The following KAZN variants were observed in gnomAD, a reference collection of about 807,000 sequenced individuals.
KAZN encodes the protein kazrin, periplakin interacting protein, also known as kazrin.
KAZN carries 40 observed loss-of-function variants against 87.4 expected under a neutral mutation model. That is an observed-to-expected ratio of 0.46 (90% CI 0.36 to 0.60). The LOEUF (loss-of-function observed/expected upper bound fraction) is 0.60, where lower values mean the gene tolerates loss of function less well. Among genes scored for constraint, KAZN ranks in the 20% least tolerant of loss-of-function variants. KAZN has a pLI of 0.00. For missense variants in KAZN, 898 were observed against 1,073.9 expected, an observed-to-expected ratio of 0.84 and a Z score of 2.29; for synonymous variants, 466 against 458.3, an observed-to-expected ratio of 1.02 and a Z score of -0.22.
chr1:14,929,679 C>A, intron 1 of KAZN: 1 of 751,684 alleles, frequency 1.3e-6, no homozygotes, highest in Non-Finnish European at 1.6e-6. Flanking sequence ...TCACTAAGGG[C>A]TGTAAACACT....
At chr1:14,068,240 T>C (rs1356579851) in intron 1 of KAZN, among the ~76,000 whole-genome samples, 1 of 152,164 alleles carries the variant, frequency 6.6e-6, no homozygotes, top group Non-Finnish European at 1.5e-5. Flanking sequence ...GAGACAAGGG[T>C]GTCCCTATCT....
intron 2 of KAZN, among the ~76,000 whole-genome samples, chr1:14,248,812 T>G (rs892682389): frequency 3.3e-5 from 5 of 152,194 alleles, no homozygotes; most frequent in Non-Finnish European, 7.3e-5. Context: ...ACTGATGCTA[T>G]GTGAGACTAG....
chr1:14,983,684 G>A (rs888214555), intron 2 of KAZN, among the ~76,000 whole-genome samples: 2 of 152,208 alleles, frequency 1.3e-5, no homozygotes, highest in Admixed American at 1.3e-4. Context: ...GCTCATACCT[G>A]TAATCCCAGC....
intron 2 of KAZN, among the ~76,000 whole-genome samples, chr1:14,185,425 C>A (rs551486426): frequency 6.6e-6 from 1 of 152,326 alleles, no homozygotes; most frequent in African/African-American, 2.4e-5. Context: ...TAAAAAGCTA[C>A]AATGATAAGC....
chr1:14,722,410 A>C (rs900787126), intron 1 of KAZN, among the ~76,000 whole-genome samples: 1 of 152,248 alleles, frequency 6.6e-6, no homozygotes, highest in Non-Finnish European at 1.5e-5. Flanking sequence ...TCTAATTAAC[A>C]TAAAAAATTC....
intron 1 of KAZN, among the ~76,000 whole-genome samples, chr1:14,804,341 T>A (rs146669989): frequency 0.013 from 1,930 of 152,280 alleles, 18 homozygotes; most frequent in Middle Eastern, 0.027. Flanking sequence ...GCAGCCAGGA[T>A]GCCAGGAAGC....
intron 1 of KAZN, among the ~76,000 whole-genome samples, chr1:14,044,019 C>A (rs1641951999): frequency 1.3e-5 from 2 of 152,148 alleles, no homozygotes; most frequent in Non-Finnish European, 2.9e-5. Context: ...CAGATGGTGG[C>A]TAGGTCTAAA....
intron 1 of KAZN, among the ~76,000 whole-genome samples, chr1:14,635,086 G>T (rs1186225771): frequency 2.0e-5 from 3 of 152,214 alleles, no homozygotes; most frequent in Non-Finnish European, 4.4e-5. Context: ...GCATCAGGGG[G>T]TTAGGTTGAA....
rs561931717 is a variant in KAZN, at chr1:14,769,121, G to A, written c.226+169898G>A. Reference sequence around the variant, plus strand: ...GAGCTCCCTTTGCTGTCCATTCACAGTGGTTGGAGCCAAGCCCATCAAGGC... The same window carrying A: ...GAGCTCCCTTTGCTGTCCATTCACAATGGTTGGAGCCAAGCCCATCAAGGC... On this transcript the variant is annotated intron_variant, in intron 1 of 14. Coordinates refer to ENST00000376030, the MANE Select transcript of KAZN (RefSeq NM_201628.3). The surrounding 1 kb of genome is among the most constrained non-coding windows in gnomAD (Gnocchi z 4.1). Among the ~76,000 whole-genome samples, 38 of 152,322 alleles carry A rather than the reference G, an allele frequency of 2.5e-4. No homozygotes were observed. In the South Asian group the frequency reaches 7.3e-3, roughly 29 times the overall value.
exon 2 of KAZN, chr1:14,180,565 G>C: frequency 6.5e-7 from 1 of 1,550,184 alleles, no homozygotes; most frequent in Non-Finnish European, 8.7e-7. Flanking sequence ...CCATGATATT[G>C]ATGAGGCACC....
intron 1 of KAZN, among the ~76,000 whole-genome samples, chr1:14,804,370 C>G (rs529222230): frequency 6.6e-6 from 1 of 152,278 alleles, no homozygotes; most frequent in South Asian, 2.1e-4. Context: ...CATGGATGGG[C>G]TGGGTGGGGC....
intron 2 of KAZN, among the ~76,000 whole-genome samples, chr1:14,196,454 A>T (rs193228269): frequency 2.0e-5 from 3 of 152,254 alleles, no homozygotes; most frequent in East Asian, 3.9e-4. Context: ...AACTTCTGGA[A>T]TTCCTTTTAG....
intron 1 of KAZN, among the ~76,000 whole-genome samples, chr1:14,012,584 G>A (rs1323820128): frequency 2.0e-5 from 3 of 152,148 alleles, no homozygotes; most frequent in African/African-American, 7.2e-5. Flanking sequence ...GGAGGGTGAC[G>A]CGGGTGGATC....
At chr1:14,976,002 AGCCTGGGCGACT>A (rs1357746272) in intron 2 of KAZN, among the ~76,000 whole-genome samples, 1 of 141,342 alleles carries the variant, frequency 7.1e-6, no homozygotes, top group Non-Finnish European at 1.5e-5. Context: ...ACTGCACTCC[AGCCTGGGCGACT>A]GAGCGAGACT....
At chr1:14,957,037 A>G in intron 1 of KAZN, among the ~76,000 whole-genome samples, 1 of 151,974 alleles carries the variant, frequency 6.6e-6, no homozygotes, top group Middle Eastern at 3.2e-3. Context: ...GAGTGCTCTG[A>G]GCAGATGTGG....
intron 1 of KAZN, among the ~76,000 whole-genome samples, chr1:14,958,328 G>A (rs1663397685): frequency 1.3e-5 from 2 of 151,238 alleles, no homozygotes. Context: ...CTGTGTATGT[G>A]GAGCACTTCC....
chr1:14,083,291 T>C (rs12738981), intron 1 of KAZN, among the ~76,000 whole-genome samples: 15,102 of 152,328 alleles, frequency 0.099, 928 homozygotes, highest in East Asian at 0.13. Context: ...ATAACATTGA[T>C]GAGCATGATA....
intron 1 of KAZN, among the ~76,000 whole-genome samples, chr1:14,066,449 G>A (rs576384297): frequency 7.1e-4 from 108 of 152,152 alleles, no homozygotes; most frequent in Non-Finnish European, 1.1e-3. Flanking sequence ...GTTGAATCTC[G>A]TTCTCACTTC....
rs78312380 is a variant in KAZN, at chr1:14,459,262, T to C, written c.250-139721T>C. ...AAGGGGGATATGGTGTGTGTGCGCG[T>C]GTGTGTGTGTGTGTGTGTGTATACA... On this transcript the variant is annotated intron_variant, in intron 2 of 16. Transcript: ENST00000636203. Among the ~76,000 whole-genome samples the C allele has an allele frequency of 6.2e-3, 347 of 55,604 alleles. 1 individual carries two copies. Among genetic ancestry groups the C allele is most frequent in the East Asian group, 0.021 (43 of 2,080 alleles). The allele number at this position is 55,604 out of a possible 152,430, so 36.5% of individuals were successfully genotyped here. A position where few individuals can be genotyped will look rare whatever the true frequency, so the allele number is the denominator to read the frequency against.
Sources: allele counts gnomAD v4.1 joint callset (sites outside exome capture counted in the v4.1 genomes callset), GRCh38; gene constraint gnomAD v4.1.1; non-coding constraint Gnocchi (gnomAD v3.1); transcripts MANE v1.5; gene names NCBI Gene and HGNC (gene_info 2026-07-23, HGNC 2026-07-21).